Variants in CCNY observed in about 807,000 individuals in gnomAD.
The protein encoded by CCNY is cyclin Y.
Under a neutral mutation model 42.8 loss-of-function variants are expected in CCNY, and 19 were observed. The ratio of observed to expected loss-of-function variants is 0.44; its 90% CI spans 0.31 to 0.65. The LOEUF (loss-of-function observed/expected upper bound fraction) is 0.65. Among genes scored for constraint, CCNY ranks in the 30% least tolerant of loss-of-function variants. CCNY has a pLI of 0.07. For missense variants in CCNY, 370 were observed against 437.3 expected (o/e 0.85, Z 1.37); for synonymous variants, 165 against 162.7 (o/e 1.01, Z -0.11).
intron 1 of CCNY, among the ~76,000 whole-genome samples, chr10:35,406,203 T>TAA (rs1837760713): frequency 8.5e-6 from 1 of 117,322 alleles, no homozygotes; most frequent in Non-Finnish European, 1.7e-5. Flanking sequence ...CTTTTTTATT[T>TAA]TATTTATTTA....
intron 7 of CCNY, among the ~76,000 whole-genome samples, chr10:35,547,611 T>C (rs543156145): frequency 6.6e-6 from 1 of 152,350 alleles, no homozygotes; most frequent in Non-Finnish European, 1.5e-5. Context: ...GTGGTCGTTT[T>C]ACTAGCGAAT....
intron 1 of CCNY, among the ~76,000 whole-genome samples, chr10:35,447,506 A>G (rs1026501169): frequency 2.0e-5 from 3 of 152,164 alleles, no homozygotes; most frequent in African/African-American, 7.2e-5. Context: ...TATCTCTGTC[A>G]TTTCTCACAC....
intron 8 of CCNY, among the ~76,000 whole-genome samples, chr10:35,560,643 C>A (rs1239176755): frequency 6.6e-6 from 1 of 152,214 alleles, no homozygotes; most frequent in Non-Finnish European, 1.5e-5. Flanking sequence ...CTAATACACC[C>A]TGTAAACTTT....
chr10:35,325,693 TC>T (rs1835871881), intron 3 of CCNY, among the ~76,000 whole-genome samples: 2 of 151,950 alleles, frequency 1.3e-5, no homozygotes, highest in Non-Finnish European at 2.9e-5. Context: ...GGTCTTGAAC[TC>T]CCTATCTCAG....
At chr10:35,507,673 C>G (rs1368187150) in intron 3 of CCNY, among the ~76,000 whole-genome samples, 1 of 152,194 alleles carries the variant, frequency 6.6e-6, no homozygotes, top group East Asian at 1.9e-4. Context: ...ATGGGTTTCA[C>G]TCCAGCCTGA....
At chr10:35,532,166 C>T (rs1840782669) in intron 7 of CCNY, among the ~76,000 whole-genome samples, 1 of 152,224 alleles carries the variant, frequency 6.6e-6, no homozygotes, top group South Asian at 2.1e-4. Flanking sequence ...CTCATCAGCG[C>T]AGCTGCATGC....
Position 35,336,696 on chromosome 10 carries a change from A to T in CCNY, c.-358A>T, listed in dbSNP as rs1836039185. Among the ~76,000 whole-genome samples the T allele has an allele frequency of 1.4e-5, 2 of 147,014 alleles. No homozygotes were observed. Among genetic ancestry groups the T allele is most frequent in the Admixed American group, 6.7e-5 (1 of 14,848 alleles). On this transcript the variant is annotated 5_prime_UTR_variant, in exon 1 of 10. Transcript: ENST00000374704. Reference sequence around the variant, plus strand: ...CCGGGGAAGCGGACACCAACTGGGGAAGCGCGGGGGGGAGGCGGCCTGCGC... The same window carrying T: ...CCGGGGAAGCGGACACCAACTGGGGTAGCGCGGGGGGGAGGCGGCCTGCGC...
At chr10:35,503,138 A>G (rs986903440) in intron 3 of CCNY, among the ~76,000 whole-genome samples, 23 of 151,956 alleles carry the variant, frequency 1.5e-4, no homozygotes, top group East Asian at 9.7e-4. Context: ...CGTGTCCTGT[A>G]TAGTCTGAGC....
At chr10:35,381,346 G>A (rs1226090175) in intron 1 of CCNY, among the ~76,000 whole-genome samples, 1 of 152,078 alleles carries the variant, frequency 6.6e-6, no homozygotes, top group Non-Finnish European at 1.5e-5. Flanking sequence ...GATCACCTGA[G>A]GTCAGGAATT....
At chr10:35,357,131 G>GT (rs1836571977) in intron 1 of CCNY, among the ~76,000 whole-genome samples, 1 of 151,872 alleles carries the variant, frequency 6.6e-6, no homozygotes, top group Non-Finnish European at 1.5e-5. Context: ...ACCTGTTCAG[G>GT]TTTTTTCCTA....
At chr10:35,422,305 A>G (rs1005271633) in intron 1 of CCNY, among the ~76,000 whole-genome samples, 3 of 152,188 alleles carry the variant, frequency 2.0e-5, no homozygotes, top group Non-Finnish European at 2.9e-5. Flanking sequence ...TAGCTTTTTC[A>G]TATGATATTC....
chr10:35,443,382 T>C (rs967330293), intron 1 of CCNY, among the ~76,000 whole-genome samples: 1 of 152,216 alleles, frequency 6.6e-6, no homozygotes, highest in African/African-American at 2.4e-5. Context: ...AGAAATATTT[T>C]TTTCTTTATA....
At chr10:35,499,920 C>T (rs1379459696) in intron 2 of CCNY, among the ~76,000 whole-genome samples, 1 of 152,232 alleles carries the variant, frequency 6.6e-6, no homozygotes, top group Non-Finnish European at 1.5e-5. Flanking sequence ...TTAATTCACA[C>T]ATGTGCATGC....
chr10:35,331,674 T>C (rs1454080813), upstream of CCNY, among the ~76,000 whole-genome samples: 1 of 152,226 alleles, frequency 6.6e-6, no homozygotes, highest in Non-Finnish European at 1.5e-5. Flanking sequence ...CCAAAAGACT[T>C]GACACTACTA....
intron 1 of CCNY, among the ~76,000 whole-genome samples, chr10:35,439,356 C>G (rs186317027): frequency 6.6e-6 from 1 of 152,058 alleles, no homozygotes; most frequent in African/African-American, 2.4e-5. Flanking sequence ...TTCTTTTGTT[C>G]CATCTTTCAG....
intron 2 of CCNY, among the ~76,000 whole-genome samples, chr10:35,493,289 G>T (rs1337121108): frequency 2.0e-5 from 3 of 152,192 alleles, no homozygotes; most frequent in Non-Finnish European, 2.9e-5. Flanking sequence ...GGTTAGCAGG[G>T]ATAATTCCCC....
At chr10:35,301,950 T>TTTTA (rs151028182) in intron 3 of CCNY, among the ~76,000 whole-genome samples, 2,148 of 81,498 alleles carry the variant, frequency 0.026, 56 homozygotes, top group African/African-American at 0.069. Flanking sequence ...TTATTTTTTA[T>TTTTA]TTTATTTATT....
At chr10:35,561,270 G>C (rs981970803) in intron 8 of CCNY, among the ~76,000 whole-genome samples, 1 of 152,184 alleles carries the variant, frequency 6.6e-6, no homozygotes, top group South Asian at 2.1e-4. Context: ...GGTGGGAGGC[G>C]TTTGGGCAGG....
At chr10:35,321,114 TA>T (rs57608664) in intron 3 of CCNY, 36,442 of 121,810 alleles carry the variant, frequency 0.3, 5,240 homozygotes, top group East Asian at 0.37. Flanking sequence ...AGGCTTTGTC[TA>T]AAAAAAAAAA....
Sources: allele counts gnomAD v4.1 joint callset (sites outside exome capture counted in the v4.1 genomes callset), GRCh38; gene constraint gnomAD v4.1.1; transcripts MANE v1.5; gene names NCBI Gene and HGNC (gene_info 2026-07-23, HGNC 2026-07-21).